Variants in SLC38A11 observed in about 807,000 individuals in gnomAD.
SLC38A11 encodes the protein putative sodium-coupled neutral amino acid transporter 11.
In SLC38A11, 51 loss-of-function variants were observed where a neutral mutation model predicts 49.4. That is an observed-to-expected ratio of 1.03 (90% CI 0.83 to 1.30). The LOEUF (loss-of-function observed/expected upper bound fraction) is 1.30. Among genes scored for constraint, SLC38A11 ranks in the 50% most tolerant of loss-of-function variants. SLC38A11 has a pLI of 0.00. For missense variants in SLC38A11, 574 were observed against 556.2 expected, an observed-to-expected ratio of 1.03 and a Z score of -0.32; for synonymous variants, 203 against 192.9, an observed-to-expected ratio of 1.05 and a Z score of -0.43.
rs78376892 is a variant in SLC38A11, at chr2:164,951,363, T to A, written c.229+1344A>T. ...ACAGGGACAAATCCTTGAATGAAAT[T>A]TTTTTTTTTAGTGTAATAAATGCCC... is the stretch of plus-strand genomic sequence containing the variant. On this transcript the variant is annotated intron_variant, in intron 3 of 11. Transcript: ENST00000685975. 1.2e-3 allele frequency among the ~76,000 whole-genome samples: 181 copies of A among 150,934 alleles called. 13 individuals are homozygous for A. In the East Asian group the frequency reaches 0.034, roughly 29 times the overall value.
rs79795245 is a variant in SLC38A11 at position 164,947,026 on chromosome 2, T to C, written c.230-1299A>G. ...CCTTTGTGACATCTCTTTCTTGTGG[T>C]TTTCTTCCTGCTGTTTTGGTCATTT... On this transcript the variant is annotated intron_variant, in intron 3 of 11. Transcript: ENST00000685975. Among the ~76,000 whole-genome samples the C allele has an allele frequency of 1.2e-3, 176 of 152,042 alleles. 12 individuals are homozygous for C. The East Asian group carries it at 0.033, about 29-fold the overall frequency.
intron 7 of SLC38A11, among the ~76,000 whole-genome samples, chr2:164,936,298 C>CT (rs781595171): frequency 5.9e-5 from 9 of 151,670 alleles, no homozygotes; most frequent in South Asian, 2.1e-4. Context: ...AGCTTGAGGC[C>CT]TTTTTTTTGG....
chr2:164,922,953 C>T (rs765323619), intron 7 of SLC38A11, among the ~76,000 whole-genome samples: 8 of 151,996 alleles, frequency 5.3e-5, no homozygotes, highest in Admixed American at 2.6e-4. Context: ...TTGACAAAGT[C>T]GACAAAAATA....
At chr2:164,938,869 A>G (rs1185174073) in intron 6 of SLC38A11, among the ~76,000 whole-genome samples, 2 of 152,188 alleles carry the variant, frequency 1.3e-5, no homozygotes, top group Admixed American at 1.3e-4. Flanking sequence ...CTTGAGAGTA[A>G]GTGCAAATGA....
At chr2:164,950,295 T>C (rs768543196) in intron 3 of SLC38A11, among the ~76,000 whole-genome samples, 15 of 152,216 alleles carry the variant, frequency 9.9e-5, no homozygotes, top group Admixed American at 3.9e-4. Flanking sequence ...TATATACTTA[T>C]GTCACAGAGA....
Position 164,895,213 on chromosome 2 carries a change from T to A in SLC38A11, c.*3224A>T, listed in dbSNP as rs1025681884. On this transcript the variant is annotated 3_prime_UTR_variant, in exon 12 of 12. Coordinates refer to ENST00000685975, the MANE Select transcript of SLC38A11 (RefSeq NM_001351537.2). The stretch of plus-strand genomic sequence containing the variant: ...TATGTGTTCTCTAGGTCACAGCATC[T>A]CTGGTCCACTCTACATATTTGCTCT... Among the ~76,000 whole-genome samples the A allele has an allele frequency of 6.6e-6, 1 of 152,228 alleles. No individual in the cohort carries two copies. Among genetic ancestry groups the A allele is most frequent in the Non-Finnish European group, 1.5e-5 (1 of 68,040 alleles).
At chr2:164,944,705 A>G in intron 4 of SLC38A11, 71 bp from the exon 5 acceptor site, 1 of 559,530 alleles carries the variant, frequency 1.8e-6, no homozygotes, top group Non-Finnish European at 2.8e-6. Context: ...TTTGAAAGCA[A>G]TCAGTTATTA....
Position 164,937,892 on chromosome 2 carries a change from G to A in SLC38A11, c.538-463C>T, listed in dbSNP as rs527333863. Among the ~76,000 whole-genome samples the A allele has an allele frequency of 2.7e-5, 4 of 146,114 alleles. No individual in the cohort carries two copies. The East Asian group carries it at 6.1e-4, about 22-fold the overall frequency. On this transcript the variant is annotated intron_variant, in intron 6 of 11. Transcript: ENST00000685975. ...CATTCCTCCCCGTCCTTTTTTTTTT[G>A]AGGAGGGGTATCTCAGCTTTTTCCT...
At chr2:164,904,712 AT>A (rs768295189) in intron 11 of SLC38A11, among the ~76,000 whole-genome samples, 9 of 152,150 alleles carry the variant, frequency 5.9e-5, no homozygotes, top group Non-Finnish European at 1.2e-4. Context: ...TTTCAGTTCC[AT>A]TTTATTTCAT....
At chr2:164,925,966 G>A (rs952826302) in intron 7 of SLC38A11, among the ~76,000 whole-genome samples, 1 of 152,114 alleles carries the variant, frequency 6.6e-6, no homozygotes, top group African/African-American at 2.4e-5. Context: ...GGTAACTCCT[G>A]TACCCTTAGT....
At position 164,952,757 on chromosome 2, in the gene SLC38A11, G is replaced by A. The variant is rs773905250; in HGVS notation, c.179C>T (p.Ala60Val). The A allele has an allele frequency of 1.2e-6, 2 of 1,605,982 alleles. No individual in the cohort carries two copies. Among genetic ancestry groups the A allele is most frequent in the Non-Finnish European group, 1.7e-6 (2 of 1,178,208 alleles). ...IIGLPYSMKQ[A>V]GFPLGILLLF... ...AAGCAATATTCCCAAAGGAAACCCA[G>A]CTTGCTTCATTGAATAAGGCAATCC... is the stretch of plus-strand genomic sequence containing the variant. The change falls in exon 3 of 12, where the codon GCT becomes GTT. Residue 60 changes from alanine to valine, a missense_variant. Transcript: ENST00000685975.
At chr2:164,932,330 A>G (rs1319869744) in intron 7 of SLC38A11, among the ~76,000 whole-genome samples, 3 of 152,174 alleles carry the variant, frequency 2.0e-5, no homozygotes, top group African/African-American at 4.8e-5. Context: ...AATAAGTTCA[A>G]CCATTGTGGA....
At chr2:164,905,281 C>G (rs1218476196) in intron 11 of SLC38A11, among the ~76,000 whole-genome samples, 1 of 151,954 alleles carries the variant, frequency 6.6e-6, no homozygotes, top group Non-Finnish European at 1.5e-5. Flanking sequence ...CCACACCCAG[C>G]TAATATTTTC....
chr2:164,931,550 G>T (rs1227107910), intron 7 of SLC38A11, among the ~76,000 whole-genome samples: 1 of 152,064 alleles, frequency 6.6e-6, no homozygotes, highest in Non-Finnish European at 1.5e-5. Context: ...AAGCAAAACA[G>T]CATGGTTCTG....
intron 7 of SLC38A11, among the ~76,000 whole-genome samples, chr2:164,919,774 ATT>A (rs1686052174): frequency 2.0e-5 from 3 of 152,150 alleles, no homozygotes; most frequent in Non-Finnish European, 2.9e-5. Flanking sequence ...TTATTGTCAT[ATT>A]GTTATTTTTA....
intron 11 of SLC38A11, among the ~76,000 whole-genome samples, 182 bp downstream of exon 11, chr2:164,908,458 A>G (rs941731620): frequency 1.3e-5 from 2 of 152,136 alleles, no homozygotes; most frequent in Non-Finnish European, 2.9e-5. Flanking sequence ...CACTACTTTA[A>G]AACTATATAG....
At chr2:164,927,722 G>A (rs34140105) in intron 7 of SLC38A11, among the ~76,000 whole-genome samples, 27,186 of 152,066 alleles carry the variant, frequency 0.18, 2,627 homozygotes, top group Admixed American at 0.3. Context: ...AAAACAAAAA[G>A]CCATGTATTT....
At chr2:164,901,693 C>T (rs867676434) in intron 11 of SLC38A11, among the ~76,000 whole-genome samples, 4 of 152,098 alleles carry the variant, frequency 2.6e-5, no homozygotes, top group African/African-American at 4.8e-5. Context: ...ATCATGTCAT[C>T]GGCAAATAGA....
chr2:164,927,081 A>T (rs574507538), intron 7 of SLC38A11, among the ~76,000 whole-genome samples: 9 of 152,268 alleles, frequency 5.9e-5, no homozygotes, highest in African/African-American at 1.9e-4. Context: ...GCCCTTATAG[A>T]TGAGATTAGC....
Sources: allele counts gnomAD v4.1 joint callset (sites outside exome capture counted in the v4.1 genomes callset), GRCh38; gene constraint gnomAD v4.1.1; transcripts MANE v1.5; gene names NCBI Gene and HGNC (gene_info 2026-07-23, HGNC 2026-07-21).